PFKP: variants seen among roughly 807,000 people sequenced by gnomAD.
The protein encoded by PFKP is ATP-dependent 6-phosphofructokinase, platelet type.
PFKP carries 101 observed loss-of-function variants against 94.3 expected under a neutral mutation model. That is an observed-to-expected ratio of 1.07 (90% CI 0.91 to 1.26). PFKP has a LOEUF of 1.26. Ranked by LOEUF, PFKP falls within the 50% of genes most tolerant of loss-of-function variation. The pLI is 0.00. For synonymous variants in PFKP, 573 were observed against 432.6 expected (o/e 1.32, Z -4.03); for missense variants, 1,145 against 1,103.3 (o/e 1.04, Z -0.53).
intron 7 of PFKP, among the ~76,000 whole-genome samples, chr10:3,105,763 C>A (rs528109555): frequency 6.6e-6 from 1 of 152,198 alleles, no homozygotes; most frequent in Non-Finnish European, 1.5e-5. Context: ...GCGTGCCTAA[C>A]TCCGGCAGGC....
intron 16 of PFKP, among the ~76,000 whole-genome samples, chr10:3,121,811 T>TCC (rs1564339214): frequency 2.8e-5 from 1 of 35,576 alleles, no homozygotes; most frequent in African/African-American, 9.6e-5. Flanking sequence ...TTCTTTTTTT[T>TCC]TTTTTTTTTT....
chr10:3,121,458 C>CTT (rs1204139353), intron 16 of PFKP, among the ~76,000 whole-genome samples: 1 of 152,090 alleles, frequency 6.6e-6, no homozygotes, highest in Non-Finnish European at 1.5e-5. Context: ...ACTGAAGCTT[C>CTT]TTTTTTCCCT....
At chr10:3,123,173 G>A (rs1336510577) in intron 16 of PFKP, among the ~76,000 whole-genome samples, 11 of 152,168 alleles carry the variant, frequency 7.2e-5, no homozygotes, top group Admixed American at 6.5e-5. Flanking sequence ...CTCAGGATAC[G>A]GCTGCAGGGA....
chr10:3,076,097 ACAAT>A (rs1352542971), intron 1 of PFKP, among the ~76,000 whole-genome samples: 3 of 151,926 alleles, frequency 2.0e-5, no homozygotes, highest in Non-Finnish European at 4.4e-5. Flanking sequence ...TATTTTGATA[ACAAT>A]CAATTATTGT....
At chr10:3,087,989 T>TTCTTTTTC (rs35303123) in intron 2 of PFKP, among the ~76,000 whole-genome samples, 4 of 137,846 alleles carry the variant, frequency 2.9e-5, no homozygotes, top group Admixed American at 1.4e-4. Flanking sequence ...TCATTCTTTT[T>TTCTTTTTC]TTTTTTTTTT....
intron 1 of PFKP, among the ~76,000 whole-genome samples, chr10:3,079,712 G>A (rs1385886447): frequency 7.0e-6 from 1 of 143,412 alleles, no homozygotes; most frequent in Non-Finnish European, 1.5e-5. Flanking sequence ...TTGGGTCTTA[G>A]TTGTGCTCCT....
intron 5 of PFKP, among the ~76,000 whole-genome samples, chr10:3,104,449 G>T (rs1359685746): frequency 6.6e-6 from 1 of 152,246 alleles, no homozygotes; most frequent in Admixed American, 6.5e-5. Context: ...ATGTGGAATG[G>T]TAAATAGAAT....
Position 3,126,254 on chromosome 10 carries a change from C to T in PFKP, c.1684-3565C>T, listed in dbSNP as rs542951285. On this transcript the variant is annotated intron_variant, in intron 16 of 21. Transcript: ENST00000381125. ...GCTTCCTGTGAGTCCGAGCCTCAGC[C>T]TCCCACTCGAGCTGAGGGGCGTGTC... Among the ~76,000 whole-genome samples, 4 of 152,330 alleles carry T rather than the reference C, an allele frequency of 2.6e-5. No homozygotes were observed. The South Asian group carries it at 6.2e-4, about 24-fold the overall frequency.
intron 10 of PFKP, among the ~76,000 whole-genome samples, chr10:3,111,088 G>T (rs1203209916): frequency 6.6e-6 from 1 of 152,074 alleles, no homozygotes; most frequent in East Asian, 1.9e-4. Flanking sequence ...ATCTGCATGT[G>T]TGTGCATGTA....
At chr10:3,129,536 C>CT in intron 16 of PFKP, 1 of 430,306 alleles carries the variant, frequency 2.3e-6, no homozygotes. Flanking sequence ...CCGTCCCCTT[C>CT]TATGGGGCCT....
chr10:3,073,840 T>C (rs1253593978), intron 1 of PFKP, among the ~76,000 whole-genome samples: 1 of 152,062 alleles, frequency 6.6e-6, no homozygotes, highest in Non-Finnish European at 1.5e-5. Flanking sequence ...TTTTGTTTGT[T>C]TGTTTGTTTG....
intron 18 of PFKP, among the ~76,000 whole-genome samples, chr10:3,132,833 G>A (rs761967044): frequency 6.6e-6 from 1 of 152,134 alleles, no homozygotes; most frequent in Non-Finnish European, 1.5e-5. Flanking sequence ...TAACCAAGGT[G>A]GCTACTGAGT....
rs1835362750 is a variant in PFKP, at chr10:3,104,630, T to TTG, written c.621-484_621-483dup. 14 of 207,506 alleles carry TTG rather than the reference T, an allele frequency of 6.7e-5. No homozygotes were observed. The South Asian group carries it at 1.1e-3, about 17-fold the overall frequency. The allele number at this position is 207,506 out of a possible 1,614,324, so 12.9% of individuals were successfully genotyped here. A position where few individuals can be genotyped will look rare whatever the true frequency, so the allele number is the denominator to read the frequency against. The stretch of plus-strand genomic sequence containing the variant: ...CCACAGTTGGTGGAAAATCACCGAG[T>TTG]TGGAAGGCTGCTCGGAGCAGTTGGA... On this transcript the variant is annotated intron_variant, in intron 5 of 21. Transcript: ENST00000381125.
chr10:3,126,194 G>A (rs1837925874), intron 16 of PFKP, among the ~76,000 whole-genome samples: 1 of 152,242 alleles, frequency 6.6e-6, no homozygotes, highest in African/African-American at 2.4e-5. Context: ...TTACAGTGCA[G>A]GGAAGGGAGC....
chr10:3,111,233 T>C (rs887526456), intron 10 of PFKP, among the ~76,000 whole-genome samples: 3 of 152,134 alleles, frequency 2.0e-5, no homozygotes, highest in African/African-American at 7.2e-5. Flanking sequence ...CAGGTATGTT[T>C]CTATGCAGAT....
intron 7 of PFKP, 37 bp from the exon 8 acceptor site, chr10:3,107,177 T>G: frequency 8.0e-7 from 1 of 1,249,312 alleles, no homozygotes; most frequent in Non-Finnish European, 1.2e-6. Context: ...AAGAACAGGA[T>G]TAGGAATTTG....
intron 13 of PFKP, among the ~76,000 whole-genome samples, chr10:3,115,356 A>G (rs7912275): frequency 0.49 from 21,638 of 44,098 alleles, 5,704 homozygotes; most frequent in East Asian, 0.68. Context: ...GGGATGCTGG[A>G]GTGAAGGTGT....
At chr10:3,122,060 C>A (rs1340984554) in intron 16 of PFKP, among the ~76,000 whole-genome samples, 2 of 139,786 alleles carry the variant, frequency 1.4e-5, no homozygotes, top group Non-Finnish European at 1.6e-5. Context: ...TGGGCTCAAG[C>A]AATCCCCCTG....
At chr10:3,110,849 T>A (rs1836138703) in intron 10 of PFKP, among the ~76,000 whole-genome samples, 1 of 151,276 alleles carries the variant, frequency 6.6e-6, no homozygotes. Flanking sequence ...TTTATATGCA[T>A]GAGTATGCAT....
Sources: gnomAD v4.1 joint callset for allele counts (sites outside exome capture counted in the v4.1 genomes callset) on GRCh38, gnomAD v4.1.1 for gene constraint, MANE v1.5 for transcripts, NCBI Gene and HGNC (gene_info 2026-07-23, HGNC 2026-07-21) for gene names.